The following ARHGEF12 variants were observed in gnomAD, a reference collection of about 807,000 sequenced individuals.
ARHGEF12 encodes the protein Rho guanine nucleotide exchange factor 12, also known as KMT2A/ARHGEF12 fusion protein.
In ARHGEF12, 66 loss-of-function variants were observed where a neutral mutation model predicts 211.2. The ratio of observed to expected loss-of-function variants is 0.31; its 90% CI spans 0.26 to 0.38. ARHGEF12 has a LOEUF of 0.38. ARHGEF12 is among the 10% of genes least tolerant of loss of function. The pLI is 1.00. For synonymous variants in ARHGEF12, 592 were observed against 638.4 expected (o/e 0.93, Z 1.09); for missense variants, 1,429 against 1,869.5 (o/e 0.76, Z 4.34).
chr11:120,460,210 C>T (rs989489359), intron 26 of ARHGEF12, among the ~76,000 whole-genome samples: 1 of 152,200 alleles, frequency 6.6e-6, no homozygotes, highest in African/African-American at 2.4e-5. Flanking sequence ...TAACTATCAA[C>T]ATCTGCTAAC....
chr11:120,418,006 A>G (rs1434179774), intron 4 of ARHGEF12, among the ~76,000 whole-genome samples: 1 of 152,210 alleles, frequency 6.6e-6, no homozygotes, highest in Non-Finnish European at 1.5e-5. Flanking sequence ...GTTATTTAGT[A>G]TTTAGAAGTC....
At chr11:120,350,122 T>C (rs1181186331) in intron 1 of ARHGEF12, among the ~76,000 whole-genome samples, 1 of 152,206 alleles carries the variant, frequency 6.6e-6, no homozygotes, top group Admixed American at 6.5e-5. Flanking sequence ...GTCATTGTCT[T>C]GGCAGTTATT....
chr11:120,343,336 T>C (rs1456449437), intron 1 of ARHGEF12, among the ~76,000 whole-genome samples: 4 of 152,218 alleles, frequency 2.6e-5, no homozygotes, highest in African/African-American at 9.6e-5. Flanking sequence ...TTTGCAAACA[T>C]GCCAAATTTA....
intron 1 of ARHGEF12, chr11:120,405,904 G>A: frequency 2.3e-6 from 1 of 435,664 alleles, no homozygotes; most frequent in Non-Finnish European, 4.0e-6. Flanking sequence ...GACAGCTGAT[G>A]GTAAATGCAC....
rs761456454 is a variant in ARHGEF12 at position 120,481,590 on chromosome 11, C to T, written c.4554+14C>T. 1.9e-6 allele frequency: 3 copies of T among 1,609,968 alleles called. No individual in the cohort carries two copies. Among genetic ancestry groups the T allele is most frequent in the South Asian group, 1.1e-5 (1 of 90,940 alleles). On this transcript the variant is annotated intron_variant, in intron 39 of 40. Transcript: ENST00000397843. ...GAACACTTAAAGGTACCTCATACTTCCACATCCATAGGACTTGGTTGTAAG... is the reference window on the plus strand; with the variant it reads ...GAACACTTAAAGGTACCTCATACTTTCACATCCATAGGACTTGGTTGTAAG...
intron 1 of ARHGEF12, among the ~76,000 whole-genome samples, chr11:120,356,862 C>G (rs1197153124): frequency 6.6e-6 from 1 of 152,092 alleles, no homozygotes; most frequent in Non-Finnish European, 1.5e-5. Flanking sequence ...GTGCTAGGTA[C>G]TGTAATGTTT....
intron 1 of ARHGEF12, among the ~76,000 whole-genome samples, chr11:120,353,487 A>G (rs1011584955): frequency 1.3e-5 from 2 of 152,160 alleles, no homozygotes; most frequent in African/African-American, 4.8e-5. Flanking sequence ...ATTGTGGTCT[A>G]AAAGGGACCC....
At chr11:120,341,940 G>A (rs531661668) in intron 1 of ARHGEF12, among the ~76,000 whole-genome samples, 1 of 152,044 alleles carries the variant, frequency 6.6e-6, no homozygotes, top group Non-Finnish European at 1.5e-5. Context: ...GATATCCTGT[G>A]GTAGTATAAT....
intron 1 of ARHGEF12, among the ~76,000 whole-genome samples, chr11:120,347,059 A>G (rs186701290): frequency 1.3e-5 from 2 of 152,158 alleles, no homozygotes; most frequent in East Asian, 3.9e-4. Flanking sequence ...TTTTGATTTC[A>G]TTTTGAGTAT....
At chr11:120,475,645 T>C in intron 33 of ARHGEF12, 138 bp downstream of exon 33, 1 of 912,070 alleles carries the variant, frequency 1.1e-6, no homozygotes, top group South Asian at 2.2e-5. Context: ...TGAAATTTAC[T>C]GCTTAGAAAG....
chr11:120,384,478 G>A (rs562754769), intron 1 of ARHGEF12, among the ~76,000 whole-genome samples: 1 of 152,216 alleles, frequency 6.6e-6, no homozygotes, highest in African/African-American at 2.4e-5. Context: ...GAAAAGGAAA[G>A]TAGAGGCTGA....
chr11:120,472,928 T>TA, intron 30 of ARHGEF12, 122 bp from the exon 31 acceptor site: 1 of 781,552 alleles, frequency 1.3e-6, no homozygotes, highest in Non-Finnish European at 2.2e-6. Context: ...GTGCTGAGAT[T>TA]ACAGGTGTGA....
intron 15 of ARHGEF12, among the ~76,000 whole-genome samples, chr11:120,443,248 A>G (rs1214713310): frequency 6.6e-6 from 1 of 151,944 alleles, no homozygotes; most frequent in African/African-American, 2.4e-5. Flanking sequence ...TTGAACTCCT[A>G]GGCTCAAGCA....
At chr11:120,484,611 TTC>T in intron 40 of ARHGEF12, 104 bp downstream of exon 40, 1 of 1,065,506 alleles carries the variant, frequency 9.4e-7, no homozygotes, top group Non-Finnish European at 1.4e-6. Flanking sequence ...TCCATTTCTC[TTC>T]TGTCTTTAAA....
At chr11:120,459,348 C>T in intron 26 of ARHGEF12, 28 bp downstream of exon 26, 5 of 1,596,004 alleles carry the variant, frequency 3.1e-6, no homozygotes, top group Non-Finnish European at 4.3e-6. Context: ...TGATCTTTGC[C>T]CCTAACATTT....
At chr11:120,374,802 G>A (rs1943682837) in intron 1 of ARHGEF12, among the ~76,000 whole-genome samples, 1 of 152,134 alleles carries the variant, frequency 6.6e-6, no homozygotes, top group African/African-American at 2.4e-5. Flanking sequence ...ATGCTTTTAT[G>A]ACTAATTCAT....
At chr11:120,392,248 C>G (rs1944241901) in intron 1 of ARHGEF12, among the ~76,000 whole-genome samples, 1 of 152,184 alleles carries the variant, frequency 6.6e-6, no homozygotes, top group Non-Finnish European at 1.5e-5. Context: ...CCCACATCTT[C>G]CCATGGCTGG....
intron 1 of ARHGEF12, 102 bp downstream of exon 1, chr11:120,337,377 C>CAG (rs1942383283): frequency 5.0e-6 from 8 of 1,584,618 alleles, no homozygotes; most frequent in South Asian, 1.1e-5. Flanking sequence ...AGTTGACAGG[C>CAG]AGAGGAAAGA....
At chr11:120,413,766 A>C (rs925626844) in intron 4 of ARHGEF12, among the ~76,000 whole-genome samples, 4 of 152,078 alleles carry the variant, frequency 2.6e-5, no homozygotes, top group Non-Finnish European at 5.9e-5. Context: ...GCCCTTCTCC[A>C]CTCCCTTCCC....
Sources: gnomAD v4.1 joint callset for allele counts (sites outside exome capture counted in the v4.1 genomes callset) on GRCh38, gnomAD v4.1.1 for gene constraint, MANE v1.5 for transcripts, NCBI Gene and HGNC (gene_info 2026-07-23, HGNC 2026-07-21) for gene names.